CTSS: variants seen among roughly 807,000 people sequenced by gnomAD.
CTSS encodes the protein cathepsin S.
CTSS carries 15 observed loss-of-function variants against 39.9 expected under a neutral mutation model. The observed-to-expected ratio is 0.38, with a 90% CI of 0.25 to 0.58. The LOEUF (loss-of-function observed/expected upper bound fraction) is 0.58. CTSS is among the 20% of genes least tolerant of loss of function. CTSS has a pLI of 0.70. For synonymous variants in CTSS, 126 were observed against 138.2 expected, an observed-to-expected ratio of 0.91 and a Z score of 0.62; for missense variants, 250 against 398.2, an observed-to-expected ratio of 0.63 and a Z score of 3.17.
At chr1:150,759,498 T>C (rs1307544294) in intron 2 of CTSS, among the ~76,000 whole-genome samples, 1 of 152,196 alleles carries the variant, frequency 6.6e-6, no homozygotes, top group Non-Finnish European at 1.5e-5. Context: ...ACTGATTCTA[T>C]CCAGCTCTTT....
At chr1:150,761,820 G>T (rs1653271304) in intron 2 of CTSS, among the ~76,000 whole-genome samples, 1 of 152,112 alleles carries the variant, frequency 6.6e-6, no homozygotes, top group South Asian at 2.1e-4. Flanking sequence ...TGGATTGGAA[G>T]AATTAATATT....
chr1:150,746,611 G>C (rs1652901148), intron 7 of CTSS, among the ~76,000 whole-genome samples: 1 of 152,112 alleles, frequency 6.6e-6, no homozygotes, highest in Non-Finnish European at 1.5e-5. Flanking sequence ...TCAGCCCAAG[G>C]ATTCAGGAAA....
chr1:150,761,248 A>G (rs1397778884), intron 2 of CTSS, among the ~76,000 whole-genome samples: 1 of 152,062 alleles, frequency 6.6e-6, no homozygotes, highest in African/African-American at 2.4e-5. Flanking sequence ...ACATGAATTC[A>G]GTAAAGTTGT....
chr1:150,745,694 G>C (rs994574134), intron 7 of CTSS, among the ~76,000 whole-genome samples: 4 of 152,088 alleles, frequency 2.6e-5, no homozygotes, highest in African/African-American at 7.2e-5. Context: ...TATGAATAGA[G>C]ACAGAAATGC....
chr1:150,754,090 A>G (rs1653064046), intron 4 of CTSS, among the ~76,000 whole-genome samples: 1 of 150,882 alleles, frequency 6.6e-6, no homozygotes, highest in African/African-American at 2.4e-5. Context: ...TTCGCATATA[A>G]CCTACACATC....
chr1:150,743,565 GTATACATAATATATTATA>G (rs1652814975), intron 7 of CTSS, among the ~76,000 whole-genome samples: 1 of 121,668 alleles, frequency 8.2e-6, no homozygotes, highest in East Asian at 2.2e-4. Context: ...TTATATGTAT[GTATACATAATATATTATA>G]TATGTATATT....
chr1:150,741,267 G>A (rs1349144433), intron 7 of CTSS, among the ~76,000 whole-genome samples: 2 of 152,100 alleles, frequency 1.3e-5, no homozygotes, highest in Non-Finnish European at 2.9e-5. Context: ...CAAAGCTCTA[G>A]AGTTATAAGC....
Position 150,732,917 on chromosome 1 carries a change from T to C in CTSS, c.*129A>G, listed in dbSNP as rs1292389006. Reference sequence around the variant, plus strand: ...AGCCACCGTGCCCGGCCTCAAACTATATTTTCTAATTAGTACAGTAAATAC... The same window carrying C: ...AGCCACCGTGCCCGGCCTCAAACTACATTTTCTAATTAGTACAGTAAATAC... On this transcript the variant is annotated 3_prime_UTR_variant, in exon 8 of 8. Transcript: ENST00000368985. 4.3e-6 allele frequency: 3 copies of C among 694,044 alleles called. No individual in the cohort carries two copies. 43.0% of individuals were successfully genotyped at this position (694,044 alleles called of 1,614,324 possible).
chr1:150,744,798 G>T (rs1300052781), intron 7 of CTSS, among the ~76,000 whole-genome samples: 6 of 150,302 alleles, frequency 4.0e-5, no homozygotes, highest in African/African-American at 1.5e-4. Flanking sequence ...TATCTCCAGG[G>T]CCTAGATAAT....
At chr1:150,751,718 C>T in intron 5 of CTSS, 63 bp downstream of exon 5, 1 of 1,460,186 alleles carries the variant, frequency 6.8e-7, no homozygotes, top group Non-Finnish European at 9.6e-7. Flanking sequence ...GCAAGCCCAG[C>T]ACAGTCAGTC....
chr1:150,756,749 T>A (rs1434861906), intron 3 of CTSS, among the ~76,000 whole-genome samples: 2 of 146,868 alleles, frequency 1.4e-5, no homozygotes, highest in Non-Finnish European at 3.0e-5. Context: ...GGAGTTTCAC[T>A]CTTTTTGCCC....
rs1653093161 is a variant in CTSS, at chr1:150,755,106, G to A, written c.294C>T (p.Pro98=). The change falls in exon 4 of 8, where the codon CCC becomes CCT. Residue 98 remains proline, a synonymous_variant. Transcript: ENST00000368985. The part of the protein sequence containing the change: ...VMSLMSSLRV[P]SQWQRNITYK... ...ATGTGATATTTCTCTGCCACTGGCT[G>A]GGAACTCTCAGGGAACTCATCAAAG... 1 of 1,614,154 alleles carries A rather than the reference G, an allele frequency of 6.2e-7. No homozygotes were observed.
intron 4 of CTSS, among the ~76,000 whole-genome samples, chr1:150,752,600 C>T (rs137874193): frequency 2.0e-5 from 3 of 152,244 alleles, no homozygotes; most frequent in East Asian, 3.9e-4. Flanking sequence ...CTCTCCTTCC[C>T]TCCTCCCACC....
chr1:150,754,922 C>T (rs1353298849), intron 4 of CTSS, 79 bp downstream of exon 4: 3 of 1,423,998 alleles, frequency 2.1e-6, no homozygotes, highest in African/African-American at 2.9e-5. Context: ...CTGTAAGATT[C>T]ACTGTCAAAT....
rs587618181 is a variant in CTSS at position 150,755,447 on chromosome 1, G to A, written c.250-297C>T. Among the ~76,000 whole-genome samples the A allele has an allele frequency of 3.3e-5, 5 of 152,128 alleles. No individual in the cohort carries two copies. The South Asian group carries it at 8.3e-4, about 25-fold the overall frequency. The stretch of plus-strand genomic sequence containing the variant: ...GTAGAGTGAAAATACAGTATAAAAA[G>A]TAAAAATGGGAGCTGGGCATGGTGG... On this transcript the variant is annotated intron_variant, in intron 3 of 7. Transcript: ENST00000368985.
At chr1:150,756,341 A>G (rs1301802548) in intron 3 of CTSS, among the ~76,000 whole-genome samples, 1 of 152,244 alleles carries the variant, frequency 6.6e-6, no homozygotes, top group African/African-American at 2.4e-5. Context: ...ACTTTTTAAA[A>G]GTATAAGTAG....
intron 7 of CTSS, among the ~76,000 whole-genome samples, chr1:150,737,381 C>A (rs1051912543): frequency 2.6e-5 from 4 of 152,058 alleles, no homozygotes; most frequent in African/African-American, 9.7e-5. Context: ...GGATTACAGG[C>A]GTGAGCCACT....
chr1:150,749,926 A>G, intron 6 of CTSS, 80 bp downstream of exon 6: 1 of 1,243,986 alleles, frequency 8.0e-7, no homozygotes, highest in Non-Finnish European at 1.1e-6. Flanking sequence ...AGCTAGAATT[A>G]CAGGCATGAA....
chr1:150,737,175 T>G (rs187713760), intron 7 of CTSS, among the ~76,000 whole-genome samples: 3,561 of 152,178 alleles, frequency 0.023, 67 homozygotes, highest in Non-Finnish European at 0.037. Context: ...CAACCTCGCC[T>G]CACTGCAACC....
Sources: allele counts gnomAD v4.1 joint callset (sites outside exome capture counted in the v4.1 genomes callset), GRCh38; gene constraint gnomAD v4.1.1; transcripts MANE v1.5; gene names NCBI Gene and HGNC (gene_info 2026-07-23, HGNC 2026-07-21).